Variants in TXLNB observed in about 807,000 individuals in gnomAD.
TXLNB encodes the protein beta-taxilin.
Under a neutral mutation model 57.4 loss-of-function variants are expected in TXLNB, and 37 were observed. The observed-to-expected ratio is 0.64, with a 90% CI of 0.50 to 0.85. The LOEUF (loss-of-function observed/expected upper bound fraction) is 0.85. TXLNB is among the 40% of genes least tolerant of loss of function. The pLI is 0.00. For missense variants in TXLNB, 848 were observed against 825.6 expected (o/e 1.03, Z -0.33); for synonymous variants, 302 against 309.6 (o/e 0.98, Z 0.26).
At chr6:139,251,196 T>G (rs1404958522) in intron 7 of TXLNB, among the ~76,000 whole-genome samples, 3 of 152,204 alleles carry the variant, frequency 2.0e-5, no homozygotes, top group Non-Finnish European at 2.9e-5. Context: ...AAAATACACA[T>G]AGCACAAAAG....
downstream of TXLNB, among the ~76,000 whole-genome samples, chr6:139,239,857 CTCTG>C (rs928460400): frequency 3.3e-5 from 5 of 151,230 alleles, no homozygotes; most frequent in Non-Finnish European, 7.4e-5. The surrounding 1 kb of genome is among the most constrained non-coding windows in gnomAD (Gnocchi z 4.7). Context: ...CTCTGTCTCT[CTCTG>C]TCTGTCACAT....
chr6:139,176,283 T>A, the TXLNB span, among the ~76,000 whole-genome samples: 1 of 152,200 alleles, frequency 6.6e-6, no homozygotes. The surrounding 1 kb of genome is among the most constrained non-coding windows in gnomAD (Gnocchi z 4.5). Flanking sequence ...ACTACCTACC[T>A]CCCAGGAGTA....
Position 139,262,668 on chromosome 6 carries a change from TC to T in TXLNB, c.792del (p.Ser265ValfsTer5). The T allele has an allele frequency of 6.2e-7, 1 of 1,614,202 alleles. No individual in the cohort carries two copies. Among genetic ancestry groups the T allele is most frequent in the Admixed American group, 1.7e-5 (1 of 60,026 alleles). On this transcript the variant is annotated frameshift_variant, in exon 5 of 10. Transcript: ENST00000358430. LOFTEE classifies it high-confidence loss of function. ...LTDIQGQIEQQSERNMKLCQE... is the reference protein window; with the variant it reads ...LTDIQGQIEQXSERNMKLCQE... ...TGACAGAGCTTCATATTTCGCTCAC[TC>T]TGCTGCTCGATCTGGCCCTGGATGT...
the TXLNB span, among the ~76,000 whole-genome samples, chr6:139,199,532 A>C: frequency 2.0e-5 from 3 of 152,198 alleles, no homozygotes; most frequent in Non-Finnish European, 4.4e-5. Context: ...TGACTCCTCT[A>C]AAAAGGAGAA....
chr6:139,244,806 CAA>C lies in TXLNB; in HGVS notation c.1171-118_1171-117del, dbSNP rs1453989675. On this transcript the variant is annotated intron_variant, in intron 8 of 9. Coordinates refer to ENST00000358430, the MANE Select transcript of TXLNB (RefSeq NM_153235.4). Reference sequence around the variant, plus strand: ...TTTTGTTACCAGATGCTGAAGCAAACAAATGTTCAATGTCAAGAATGAAGATT... The same window carrying C: ...TTTTGTTACCAGATGCTGAAGCAAACATGTTCAATGTCAAGAATGAAGATT... The C allele has an allele frequency of 2.3e-5, 16 of 686,788 alleles. No individual in the cohort carries two copies. In the East Asian group the frequency reaches 3.4e-4, roughly 15 times the overall value. The allele number at this position is 686,788 out of a possible 1,614,324, so 42.5% of individuals were successfully genotyped here. A position where few individuals can be genotyped will look rare whatever the true frequency, so the allele number is the denominator to read the frequency against.
At chr6:139,230,452 A>G in the TXLNB span, among the ~76,000 whole-genome samples, 3 of 152,210 alleles carry the variant, frequency 2.0e-5, no homozygotes, top group Non-Finnish European at 4.4e-5. Flanking sequence ...AATAGCAGAG[A>G]AAAAGGAGAC....
At chr6:139,235,823 C>T (rs1775830328), downstream of TXLNB, among the ~76,000 whole-genome samples, 1 of 152,104 alleles carries the variant, frequency 6.6e-6, no homozygotes, top group Non-Finnish European at 1.5e-5. Context: ...ACTTTGACAC[C>T]CTAGAAGACA....
At chr6:139,313,760 A>G in the TXLNB span, among the ~76,000 whole-genome samples, 3 of 152,258 alleles carry the variant, frequency 2.0e-5, no homozygotes, top group East Asian at 5.8e-4. Flanking sequence ...TTTTTCACAA[A>G]ATAGGATCTC....
chr6:139,223,769 T>A, the TXLNB span, among the ~76,000 whole-genome samples: 1 of 152,148 alleles, frequency 6.6e-6, no homozygotes, highest in Non-Finnish European at 1.5e-5. Flanking sequence ...CCAGTTAGAA[T>A]GGCAATCATT....
At chr6:139,166,997 T>C in the TXLNB span, 4 of 1,614,082 alleles carry the variant, frequency 2.5e-6, no homozygotes, top group East Asian at 2.2e-5. Flanking sequence ...CCCTGCGGGG[T>C]TGGCAGTTCA....
Position 139,288,575 on chromosome 6 carries a change from C to G in TXLNB, c.325G>C (p.Ala109Pro), listed in dbSNP as rs1423953315. The change falls in exon 2 of 10, where the codon GCT becomes CCT. Residue 109 changes from alanine (A) to proline (P), a missense_variant. Ala to Pro is a conservative substitution (Grantham distance 27). Coordinates refer to ENST00000358430, the MANE Select transcript of TXLNB (RefSeq NM_153235.4). ...DGDCEETTEEAGREPVASGEP... is the reference protein window; with the variant it reads ...DGDCEETTEEPGREPVASGEP... The stretch of plus-strand genomic sequence containing the variant: ...CCAGAAGCAACGGGTTCTCTTCCAG[C>G]CTCTTCAGTTGTTTCCTCACAGTCC... 3.1e-6 allele frequency: 5 copies of G among 1,614,060 alleles called. No individual in the cohort carries two copies. The Admixed American group carries it at 8.3e-5, about 27-fold the overall frequency.
At chr6:139,168,447 T>C in the TXLNB span, among the ~76,000 whole-genome samples, 1 of 151,730 alleles carries the variant, frequency 6.6e-6, no homozygotes, top group Non-Finnish European at 1.5e-5. Flanking sequence ...TTTTTTAACT[T>C]TGGCTAGTTC....
intron 3 of TXLNB, chr6:139,272,003 TC>T (rs1776776404): frequency 6.6e-6 from 1 of 152,262 alleles, no homozygotes; most frequent in Admixed American, 6.6e-5. Context: ...TGCCTCAGTT[TC>T]CCCATTTTAA....
chr6:139,207,637 G>C, the TXLNB span, among the ~76,000 whole-genome samples: 2 of 152,098 alleles, frequency 1.3e-5, no homozygotes, highest in African/African-American at 4.8e-5. Context: ...AAAGATCATA[G>C]CAGACTGAAA....
At chr6:139,167,403 G>A in the TXLNB span, 2 of 1,226,166 alleles carry the variant, frequency 1.6e-6, no homozygotes, top group Non-Finnish European at 2.3e-6. Context: ...CTCTATTTTG[G>A]TGTAGTTTTC....
the TXLNB span, among the ~76,000 whole-genome samples, chr6:139,309,304 G>C: frequency 1.4e-4 from 21 of 152,280 alleles, no homozygotes; most frequent in African/African-American, 4.6e-4. Context: ...CTTAGATTCA[G>C]TAGGCTAGCT....
chr6:139,276,365 G>C (rs770518635), intron 3 of TXLNB, among the ~76,000 whole-genome samples: 1 of 152,144 alleles, frequency 6.6e-6, no homozygotes, highest in African/African-American at 2.4e-5. Flanking sequence ...ACTACTATTA[G>C]TATGAATTTT....
At chr6:139,256,178 C>G (rs1776332676) in intron 6 of TXLNB, among the ~76,000 whole-genome samples, 12 of 152,162 alleles carry the variant, frequency 7.9e-5, no homozygotes, top group Admixed American at 7.2e-4. Context: ...AAAATAGTCT[C>G]TAGCTCAAGT....
chr6:139,235,366 T>C (rs1168289549), downstream of TXLNB, among the ~76,000 whole-genome samples: 1 of 152,198 alleles, frequency 6.6e-6, no homozygotes, highest in Non-Finnish European at 1.5e-5. Flanking sequence ...ACTTGCCTTA[T>C]CTCAGATGAG....
Sources: allele counts gnomAD v4.1 joint callset (sites outside exome capture counted in the v4.1 genomes callset), GRCh38; gene constraint gnomAD v4.1.1; non-coding constraint Gnocchi (gnomAD v3.1); transcripts MANE v1.5; gene names NCBI Gene and HGNC (gene_info 2026-07-23, HGNC 2026-07-21).